The following RYR2 variants were observed in gnomAD, a reference collection of about 807,000 sequenced individuals.
RYR2 encodes ryanodine receptor 2.
A neutral mutation model predicts 601.1 loss-of-function variants in RYR2; 227 were observed. The observed-to-expected ratio is 0.38, with a 90% CI of 0.34 to 0.42. The LOEUF (loss-of-function observed/expected upper bound fraction) is 0.42. RYR2 is among the 10% of genes least tolerant of loss of function. The pLI is 1.00. For missense variants in RYR2, 4,646 were observed against 6,156.5 expected, an observed-to-expected ratio of 0.75 and a Z score of 8.21; for synonymous variants, 2,223 against 2,175.1, an observed-to-expected ratio of 1.02 and a Z score of -0.61.
intron 67 of RYR2, 33 bp downstream of exon 67, chr1:237,705,376 A>G: frequency 6.4e-7 from 1 of 1,566,784 alleles, no homozygotes; most frequent in East Asian, 2.3e-5. Context: ...GCTTTGAGAT[A>G]TGAAGCTAAA....
At chr1:237,624,667 C>A (rs1046206715) in intron 39 of RYR2, among the ~76,000 whole-genome samples, 1 of 152,068 alleles carries the variant, frequency 6.6e-6, no homozygotes. Context: ...TGTCAGTAAT[C>A]CAAATCTGTT....
At chr1:237,621,884 G>A (rs921872686) in intron 38 of RYR2, among the ~76,000 whole-genome samples, 1 of 152,216 alleles carries the variant, frequency 6.6e-6, no homozygotes, top group Middle Eastern at 3.4e-3. Flanking sequence ...AAGGATGAGG[G>A]GCAGACAGAG....
chr1:237,376,156 A>G (rs1457148207), intron 7 of RYR2, among the ~76,000 whole-genome samples: 1 of 152,224 alleles, frequency 6.6e-6, no homozygotes, highest in Non-Finnish European at 1.5e-5. Flanking sequence ...GCTACCTGCA[A>G]CTGTAAAAAT....
At chr1:237,528,344 G>A (rs1012808958) in intron 24 of RYR2, among the ~76,000 whole-genome samples, 9 of 152,006 alleles carry the variant, frequency 5.9e-5, no homozygotes, top group African/African-American at 9.7e-5. Context: ...TTAAATTTTA[G>A]TATGTATCAT....
At chr1:237,638,276 A>G in intron 44 of RYR2, 81 bp from the exon 45 acceptor site, 3 of 1,573,312 alleles carry the variant, frequency 1.9e-6, no homozygotes, top group Non-Finnish European at 2.6e-6. Flanking sequence ...TCCTTTAAGG[A>G]TGTCATTTAT....
intron 88 of RYR2, among the ~76,000 whole-genome samples, chr1:237,779,537 G>C (rs1199960182): frequency 6.6e-6 from 1 of 152,176 alleles, no homozygotes; most frequent in East Asian, 1.9e-4. Context: ...TTCCTGAGCT[G>C]CCATGACTTG....
At chr1:237,081,792 T>C (rs1365698821) in intron 1 of RYR2, among the ~76,000 whole-genome samples, 2 of 152,062 alleles carry the variant, frequency 1.3e-5, no homozygotes, top group Non-Finnish European at 2.9e-5. Context: ...AAACAAAACC[T>C]TTACTCATGA....
chr1:237,558,475 A>G (rs1406370849), intron 27 of RYR2, among the ~76,000 whole-genome samples: 4 of 152,104 alleles, frequency 2.6e-5, no homozygotes, highest in African/African-American at 9.7e-5. Flanking sequence ...AGGCATTGAC[A>G]TTAATCTTTT....
At chr1:237,308,790 C>T (rs1694196173) in intron 2 of RYR2, among the ~76,000 whole-genome samples, 1 of 152,240 alleles carries the variant, frequency 6.6e-6, no homozygotes, top group African/African-American at 2.4e-5. Context: ...GGGACCTGAG[C>T]AGGTTGCCTC....
At chr1:237,354,586 T>A (rs1169164339) in intron 3 of RYR2, among the ~76,000 whole-genome samples, 3 of 152,078 alleles carry the variant, frequency 2.0e-5, no homozygotes, top group African/African-American at 7.2e-5. Flanking sequence ...CTTTTAGAGG[T>A]AGAAAAGTGC....
intron 10 of RYR2, among the ~76,000 whole-genome samples, chr1:237,399,164 C>T (rs750979211): frequency 1.6e-4 from 25 of 151,964 alleles, no homozygotes; most frequent in Admixed American, 2.6e-4. Flanking sequence ...CACTTCACTC[C>T]GGCCTGGGCA....
rs16835234 is a variant in RYR2 at position 237,422,836 on chromosome 1, T to A, written c.849-256T>A. Among the ~76,000 whole-genome samples, 15,369 of 152,260 alleles carry A rather than the reference T, an allele frequency of 0.1. 1,074 individuals carry two copies. The highest frequency in any genetic ancestry group is 0.27 in the East Asian group (1,406 of 5,164). On this transcript the variant is annotated intron_variant, in intron 11 of 104. Coordinates refer to ENST00000366574, the MANE Select transcript of RYR2 (RefSeq NM_001035.3). The stretch of plus-strand genomic sequence containing the variant: ...ATAGAATAGGGCGCTGTGTGGATGG[T>A]ACGGCATTTAAGTCAGAACACCTTG...
At chr1:237,591,074 A>G in intron 31 of RYR2, 82 bp downstream of exon 31, 1 of 1,175,472 alleles carries the variant, frequency 8.5e-7, no homozygotes. Flanking sequence ...CTCCTAGTGT[A>G]AATTTTTTCC....
chr1:237,701,337 C>A (rs1010283885), intron 65 of RYR2, among the ~76,000 whole-genome samples: 2 of 152,106 alleles, frequency 1.3e-5, no homozygotes, highest in Admixed American at 1.3e-4. Flanking sequence ...TCGAGACCAG[C>A]CTGGCCAGTA....
chr1:237,333,484 C>CG, intron 3 of RYR2: 1 of 383,068 alleles, frequency 2.6e-6, no homozygotes, highest in South Asian at 2.0e-5. Context: ...GCCCGAGCAA[C>CG]GGGGGGTGTC....
chr1:237,190,621 TA>T (rs1679871712), intron 1 of RYR2, among the ~76,000 whole-genome samples: 1 of 152,128 alleles, frequency 6.6e-6, no homozygotes, highest in Admixed American at 6.5e-5. Context: ...AAAATACAAA[TA>T]AAAAATACTG....
chr1:237,458,760 A>G (rs1448296866), intron 16 of RYR2, among the ~76,000 whole-genome samples: 4 of 152,162 alleles, frequency 2.6e-5, no homozygotes, highest in African/African-American at 9.7e-5. Flanking sequence ...AAGAAAAAAG[A>G]ATGCATTTTT....
intron 33 of RYR2, 44 bp from the exon 34 acceptor site, chr1:237,595,454 T>C: frequency 6.3e-7 from 1 of 1,593,186 alleles, no homozygotes; most frequent in Non-Finnish European, 8.5e-7. Flanking sequence ...CTTTCTCTTT[T>C]ATCTGTGGTT....
chr1:237,712,112 C>T (rs1688890075), intron 71 of RYR2, among the ~76,000 whole-genome samples: 2 of 151,966 alleles, frequency 1.3e-5, no homozygotes, highest in African/African-American at 4.8e-5. Flanking sequence ...CCAGGCAGGG[C>T]CCCCCGGGGA....
Sources: gnomAD v4.1 joint callset for allele counts (sites outside exome capture counted in the v4.1 genomes callset) on GRCh38, gnomAD v4.1.1 for gene constraint, MANE v1.5 for transcripts, NCBI Gene and HGNC (gene_info 2026-07-23, HGNC 2026-07-21) for gene names.